CDHR4: variants seen among roughly 807,000 people sequenced by gnomAD.
CDHR4 encodes the protein cadherin-related family member 4.
In CDHR4, 89 loss-of-function variants were observed where a neutral mutation model predicts 88.4. The ratio of observed to expected loss-of-function variants is 1.01; its 90% CI spans 0.85 to 1.20. The LOEUF is 1.20. Ranked by LOEUF, CDHR4 falls within the 50% of genes most tolerant of loss-of-function variation. The probability of loss-of-function intolerance (pLI) is 0.00; values close to 1 mark genes in which losing one functional copy is unlikely to be tolerated. For missense variants in CDHR4, 914 were observed against 1,007.2 expected (o/e 0.91, Z 1.25); for synonymous variants, 368 against 399.2 (o/e 0.92, Z 0.93).
Position 49,792,857 on chromosome 3 carries a change from G to A in CDHR4, c.1992C>T (p.Thr664=). The change falls in exon 14 of 19, where the codon ACC becomes ACT. Residue 664 remains threonine, a synonymous_variant. Coordinates refer to ENST00000412678, the MANE Select transcript of CDHR4 (RefSeq NM_001007540.4). ...ASTVATSTHR[T]TVPSTMTPML... is the part of the protein sequence containing the mutation. Reference sequence around the variant, plus strand: ...AGGGCCCAAGGAGCCTCCTCACTGTGGTTCTGTGGGTGCTGGTGGCCACTG... The same window carrying A: ...AGGGCCCAAGGAGCCTCCTCACTGTAGTTCTGTGGGTGCTGGTGGCCACTG... 1 of 1,536,158 alleles carries A rather than the reference G, an allele frequency of 6.5e-7. No individual in the cohort carries two copies.
In CDHR4 at chr3:49,793,634, C is replaced by G. The variant is rs1055164456; in HGVS notation, c.1572G>C (p.Gln524His). 26 of 1,551,636 alleles carry G rather than the reference C, an allele frequency of 1.7e-5. No individual in the cohort carries two copies. The Admixed American group carries it at 5.1e-4, about 30-fold the overall frequency. ...AGCCTGAGAGGTGATGGTTGGGGTT[C>G]TGGTCTTGGCCATGGTCAATCACAA... Reference protein sequence around the residue: ...TVLVIDHGQDQNPNHHLSGSC... With the variant: ...TVLVIDHGQDHNPNHHLSGSC... The change falls in exon 12 of 19, where the codon CAG becomes CAC. Residue 524 changes from glutamine to histidine, a missense_variant. Transcript: ENST00000412678.
intron 9 of CDHR4, 116 bp downstream of exon 9, chr3:49,794,831 T>G (rs2081243249): frequency 1.0e-5 from 15 of 1,446,276 alleles, no homozygotes; most frequent in Non-Finnish European, 1.4e-5. Context: ...GCAACACAGG[T>G]TGGCTCGACA....
In CDHR4 at chr3:49,799,795, G is replaced by A; in HGVS notation, c.18C>T (p.Leu6=). Residue 6 remains leucine (L), a synonymous_variant, in exon 1 of 19, where the codon CTC becomes CTT. Transcript: ENST00000412678. ...CCACCGGAGCAAAGAGGAACACGAG[G>A]AGCCTGAGCAGCACCATGATGACCT... MVLLR[L]LVFLFAPVVS... The A allele has an allele frequency of 6.2e-7, 1 of 1,613,882 alleles. No individual in the cohort carries two copies. The highest frequency in any genetic ancestry group is 8.5e-7 in the Non-Finnish European group (1 of 1,179,834).
chr3:49,790,916 AG>A, intron 18 of CDHR4, 29 bp from the exon 19 acceptor site: 1 of 1,536,606 alleles, frequency 6.5e-7, no homozygotes, highest in Non-Finnish European at 8.8e-7. Context: ...AGAGGAGAGC[AG>A]GGGGTGCTGC....
chr3:49,802,394 C>A (rs1175575350), upstream of CDHR4, among the ~76,000 whole-genome samples: 3 of 152,138 alleles, frequency 2.0e-5, no homozygotes, highest in Non-Finnish European at 4.4e-5. Flanking sequence ...CCAGGATGGT[C>A]TCGATCTCCT....
chr3:49,791,608 T>C, intron 17 of CDHR4, 106 bp downstream of exon 17: 1 of 1,476,060 alleles, frequency 6.8e-7, no homozygotes, highest in Non-Finnish European at 9.2e-7. Context: ...TCCACAAGGA[T>C]ACCCATTCAT....
chr3:49,796,021 G>GA lies in CDHR4; in HGVS notation c.631dup (p.Ser211PhefsTer37), dbSNP rs2081266904. On this transcript the variant is annotated frameshift_variant, in exon 6 of 19. Transcript: ENST00000412678. LOFTEE classifies it high-confidence loss of function. ...TTGGCAGCTTTGCCTTTGTCCAAAGGACACTGAGATTTGCAGCTGGAAGAC... is the reference window on the plus strand; with the variant it reads ...TTGGCAGCTTTGCCTTTGTCCAAAGGAACACTGAGATTTGCAGCTGGAAGAC... The GA allele has an allele frequency of 6.5e-7, 1 of 1,535,846 alleles. No individual in the cohort carries two copies. The highest frequency in any genetic ancestry group is 8.8e-7 in the Non-Finnish European group (1 of 1,141,158).
Position 49,793,727 on chromosome 3 carries a change from A to T in CDHR4, c.1484-5T>A. The T allele has an allele frequency of 6.4e-7, 1 of 1,551,656 alleles. No homozygotes were observed. The highest frequency in any genetic ancestry group is 1.4e-5 in the African/African-American group (1 of 73,166). ...GTCCCAGGAGGTGAACTTCCCCTAGAGGGGGAGACCACAGCTTCAGCCTGC... is the reference window on the plus strand; with the variant it reads ...GTCCCAGGAGGTGAACTTCCCCTAGTGGGGGAGACCACAGCTTCAGCCTGC... On this transcript the variant is annotated splice_region_variant and splice_polypyrimidine_tract_variant and intron_variant, in intron 11 of 18. Coordinates refer to ENST00000412678, the MANE Select transcript of CDHR4 (RefSeq NM_001007540.4).
At position 49,791,596 on chromosome 3, in the gene CDHR4, T is replaced by C. The variant is rs1575339987; in HGVS notation, c.2283+118A>G. 12 of 1,479,364 alleles carry C rather than the reference T, an allele frequency of 8.1e-6. No homozygotes were observed. In the South Asian group the frequency reaches 1.4e-4, roughly 17 times the overall value. The allele number at this position is 1,479,364 out of a possible 1,614,324, so 91.6% of individuals were successfully genotyped here. A position where few individuals can be genotyped will look rare whatever the true frequency, so the allele number is the denominator to read the frequency against. ...CATTCTGATGGTGCTAGTGTGGGCA[T>C]TTCCACAAGGATACCCATTCATCGG... On this transcript the variant is annotated intron_variant, in intron 17 of 18. Coordinates refer to ENST00000412678, the MANE Select transcript of CDHR4 (RefSeq NM_001007540.4).
In CDHR4 at chr3:49,793,208, A is replaced by G. The variant is rs932793848; in HGVS notation, c.1727T>C (p.Ile576Thr). The G allele has an allele frequency of 2.6e-6, 4 of 1,551,524 alleles. No homozygotes were observed. The African/African-American group carries it at 4.1e-5, about 16-fold the overall frequency. The change falls in exon 13 of 19, where the codon ATC (isoleucine) becomes ACC (threonine). Residue 576 changes from isoleucine to threonine, a missense_variant. By Grantham distance (89) the Ile-to-Thr change is moderately conservative. Coordinates refer to ENST00000412678, the MANE Select transcript of CDHR4 (RefSeq NM_001007540.4). Reference protein sequence around the residue: ...SVEVTKMSCQIPQEPQRLIYS... With the variant: ...SVEVTKMSCQTPQEPQRLIYS... ...GATCAGGCGCTGTGGCTCCTGAGGG[A>G]TCTGGCATGACATCTTGGTCACCTC...
Position 49,795,604 on chromosome 3 carries a change from C to T in CDHR4, c.847+24G>A. The T allele has an allele frequency of 6.4e-7, 1 of 1,551,230 alleles. No individual in the cohort carries two copies. The highest frequency in any genetic ancestry group is 8.7e-7 in the Non-Finnish European group (1 of 1,146,774). ...AGCCACAGAGGCATCCCAGTACCTGCCCCCACCCCCCAACACCTCTCACCA... is the reference window on the plus strand; with the variant it reads ...AGCCACAGAGGCATCCCAGTACCTGTCCCCACCCCCCAACACCTCTCACCA... On this transcript the variant is annotated intron_variant, in intron 7 of 18. Transcript: ENST00000412678. This position sits in a 1 kb window ranked among gnomAD's most constrained non-coding sequence, Gnocchi z 5.4.
At chr3:49,790,955 C>A (rs1420044830) in intron 18 of CDHR4, 68 bp from the exon 19 acceptor site, 2 of 1,281,238 alleles carry the variant, frequency 1.6e-6, no homozygotes, top group African/African-American at 1.5e-5. Context: ...CCTCCCTCCC[C>A]CTTACTTAAG....
Position 49,793,159 on chromosome 3 carries a change from A to G in CDHR4, c.1774+2T>C. 1 of 1,551,056 alleles carries G rather than the reference A, an allele frequency of 6.4e-7. No homozygotes were observed. Among genetic ancestry groups the G allele is most frequent in the Non-Finnish European group, 8.7e-7 (1 of 1,146,790 alleles). On this transcript the variant is annotated splice_donor_variant, in intron 13 of 18. Coordinates refer to ENST00000412678, the MANE Select transcript of CDHR4 (RefSeq NM_001007540.4). LOFTEE classifies it high-confidence loss of function. ...CAACCTGGTGGTGCCCATGTCCCCT[A>G]CCTCCCACGATGCTATAGGAGTAGA...
intron 4 of CDHR4, 63 bp downstream of exon 4, chr3:49,798,763 A>T: frequency 6.7e-7 from 1 of 1,500,532 alleles, no homozygotes; most frequent in Non-Finnish European, 9.2e-7. Context: ...GGTGGGGGTT[A>T]ATTTATTCTC....
rs1385214580 is a variant in CDHR4, at chr3:49,795,379, G to C, written c.848C>G (p.Ala283Gly). 2 of 1,549,904 alleles carry C rather than the reference G, an allele frequency of 1.3e-6. No individual in the cohort carries two copies. Among genetic ancestry groups the C allele is most frequent in the Non-Finnish European group, 8.7e-7 (1 of 1,146,890 alleles). The change falls in exon 8 of 19, where the codon GCA (alanine) becomes GGA (glycine). Residue 283 changes from alanine to glycine, a missense_variant and splice_region_variant. Physicochemically the swap from Ala to Gly is moderately conservative, Grantham distance 60. Coordinates refer to ENST00000412678, the MANE Select transcript of CDHR4 (RefSeq NM_001007540.4). The surrounding 1 kb of genome is among the most constrained non-coding windows in gnomAD (Gnocchi z 5.4). ...VPSPLFSIGR[A>G]DGVVRTTTPL... ...CGTGGTGGTCCGGACCACACCGTCTGCTGCATGGGGTGAGAGAACACAGAG... is the reference window on the plus strand; with the variant it reads ...CGTGGTGGTCCGGACCACACCGTCTCCTGCATGGGGTGAGAGAACACAGAG...
intron 16 of CDHR4, 46 bp downstream of exon 16, chr3:49,791,857 T>C: frequency 2.6e-6 from 4 of 1,551,566 alleles, no homozygotes; most frequent in Non-Finnish European, 3.5e-6. Context: ...TAACCTGAGT[T>C]TAAGAGATGG....
At position 49,799,044 on chromosome 3, in the gene CDHR4, AC is replaced by A; in HGVS notation, c.352del (p.Val118CysfsTer21). 6.3e-7 allele frequency: 1 copy of A among 1,598,670 alleles called. No homozygotes were observed. Among genetic ancestry groups the A allele is most frequent in the Non-Finnish European group, 8.5e-7 (1 of 1,172,748 alleles). On this transcript the variant is annotated frameshift_variant, in exon 3 of 19. Transcript: ENST00000412678. LOFTEE classifies it high-confidence loss of function. ...CTGGATATGGCTAAGGTCCCGCTGC[AC>A]ATCCACAGAGAGTGAGCCCTCCATC... ...HVMEGSLSVD[V>X]QRDLSHIQCA...
intron 4 of CDHR4, chr3:49,798,431 CA>C (rs1164324801): frequency 2.2e-4 from 46 of 206,326 alleles, no homozygotes; most frequent in Non-Finnish European, 4.1e-4. Context: ...CTACAAAATA[CA>C]AAAAAATTAG....
chr3:49,799,623 A>G (rs962452603), intron 1 of CDHR4, 141 bp downstream of exon 1: 1 of 1,074,014 alleles, frequency 9.3e-7, no homozygotes, highest in African/African-American at 1.6e-5. Flanking sequence ...GGAAGTGGCC[A>G]AGAGAAGGGG....
Sources: allele counts gnomAD v4.1 joint callset (sites outside exome capture counted in the v4.1 genomes callset), GRCh38; gene constraint gnomAD v4.1.1; non-coding constraint Gnocchi (gnomAD v3.1); transcripts MANE v1.5; gene names NCBI Gene and HGNC (gene_info 2026-07-23, HGNC 2026-07-21).